Variants in SLITRK5 observed in about 807,000 individuals in gnomAD.
SLITRK5 encodes SLIT and NTRK-like protein 5.
A neutral mutation model predicts 56.2 loss-of-function variants in SLITRK5; 23 were observed. The ratio of observed to expected loss-of-function variants is 0.41; its 90% confidence interval spans 0.29 to 0.58. The LOEUF (loss-of-function observed/expected upper bound fraction) is 0.58. SLITRK5 is among the 20% of genes least tolerant of loss of function. The probability of loss-of-function intolerance (pLI) is 0.30; values close to 1 mark genes in which losing one functional copy is unlikely to be tolerated. For synonymous variants in SLITRK5, 637 were observed against 531.8 expected (o/e 1.20, Z -2.72); for missense variants, 1,289 against 1,226.6 (o/e 1.05, Z -0.76).
At chr13:87,673,393 C>A in intron 1 of SLITRK5, 1 of 420,496 alleles carries the variant, frequency 2.4e-6, no homozygotes, top group Non-Finnish European at 4.6e-6. Context: ...CCCTTGCTAA[C>A]TAGAACTGAA....
At position 87,678,499 on chromosome 13, in the gene SLITRK5, G is replaced by A; in HGVS notation, c.*234G>A. On this transcript the variant is annotated 3_prime_UTR_variant, in exon 2 of 2. Transcript: ENST00000683689. Reference sequence around the variant, plus strand: ...ATCACTTTCTCTTCTTGCGTGTGGGGCAGGTGTGGAGAAGGGCTTTAAGGA... The same window carrying A: ...ATCACTTTCTCTTCTTGCGTGTGGGACAGGTGTGGAGAAGGGCTTTAAGGA... 1 of 560,912 alleles carries A rather than the reference G, an allele frequency of 1.8e-6. No individual in the cohort carries two copies. The highest frequency in any genetic ancestry group is 3.2e-6 in the Non-Finnish European group (1 of 309,942). 34.7% of individuals were successfully genotyped at this position (560,912 alleles called of 1,614,324 possible).
chr13:87,674,674 T>G (rs140512329), intron 1 of SLITRK5, among the ~76,000 whole-genome samples: 1 of 152,186 alleles, frequency 6.6e-6, no homozygotes, highest in Non-Finnish European at 1.5e-5. Context: ...GCTGATGTGC[T>G]TTAATAGCGT....
Position 87,675,473 on chromosome 13 carries a change from G to A in SLITRK5, c.85G>A (p.Ala29Thr), listed in dbSNP as rs1877230025. ...CTGGATGCTGCAGACTCTAGCGTTT[G>A]CTGTAACATCTCTCGTCCTTTCGTG... ...HSWMLQTLAF[A>T]VTSLVLSCAE... Residue 29 changes from alanine (A) to threonine (T), a missense_variant, in exon 2 of 2, where the codon GCT (alanine) becomes ACT (threonine). Physicochemically the swap from Ala to Thr is moderately conservative, Grantham distance 58. This residue lies in a region of SLITRK5 where 291 missense variants were observed against 286.7 expected (regional missense o/e 1.02). Coordinates refer to ENST00000683689, the MANE Select transcript of SLITRK5 (RefSeq NM_001384609.1). The A allele has an allele frequency of 6.2e-7, 1 of 1,614,138 alleles. No individual in the cohort carries two copies. The highest frequency in any genetic ancestry group is 8.5e-7 in the Non-Finnish European group (1 of 1,180,022).
rs565218787 is a variant in SLITRK5, at chr13:87,673,418, G to T, written c.-9+1209G>T. 643 of 470,024 alleles carry T rather than the reference G, an allele frequency of 1.4e-3. 5 individuals carry two copies. Among genetic ancestry groups the T allele is most frequent in the African/African-American group, 0.012 (587 of 49,766 alleles). 29.1% of individuals were successfully genotyped at this position (470,024 alleles called of 1,614,324 possible). On this transcript the variant is annotated intron_variant, in intron 1 of 1. Coordinates refer to ENST00000683689, the MANE Select transcript of SLITRK5 (RefSeq NM_001384609.1). ...CTAGAACTGAATTAAAGTTGTAAAC[G>T]CTGGAGTTTAATACTGGCTGGACTG...
intron 1 of SLITRK5, chr13:87,672,890 TG>T (rs2137937675): frequency 6.2e-6 from 1 of 161,596 alleles, no homozygotes; most frequent in African/African-American, 2.4e-5. Context: ...TGTGTGTGTG[TG>T]TGTGTGTGTG....
At chr13:87,674,118 G>C (rs1430414498) in intron 1 of SLITRK5, among the ~76,000 whole-genome samples, 11 of 151,870 alleles carry the variant, frequency 7.2e-5, no homozygotes, top group African/African-American at 2.7e-4. Flanking sequence ...GCCTTCAAGG[G>C]GACAAAAAGA....
In SLITRK5 at chr13:87,678,705, C is replaced by G. The variant is rs2137949301; in HGVS notation, c.*440C>G. ...CCTTTTAAGCCATGGGTGGGTCTAA[C>G]TGGCTTTTGTGGAGAAATTAGCACA... On this transcript the variant is annotated 3_prime_UTR_variant, in exon 2 of 2. Transcript: ENST00000683689. The G allele has an allele frequency of 6.1e-6, 1 of 162,818 alleles. No individual in the cohort carries two copies. The highest frequency in any genetic ancestry group is 2.6e-5 in the African/African-American group (1 of 38,880). The allele number at this position is 162,818 out of a possible 1,614,324, so 10.1% of individuals were successfully genotyped here.
At chr13:87,673,793 G>C (rs1877150474) in intron 1 of SLITRK5, among the ~76,000 whole-genome samples, 1 of 152,046 alleles carries the variant, frequency 6.6e-6, no homozygotes, top group African/African-American at 2.4e-5. Context: ...GGCTGGAGTC[G>C]ACTTGGGGAT....
rs776018907 is a variant in SLITRK5, at chr13:87,675,797, A to C, written c.409A>C (p.Asn137His). 6.2e-7 allele frequency: 1 copy of C among 1,614,096 alleles called. No individual in the cohort carries two copies. The highest frequency in any genetic ancestry group is 1.1e-5 in the South Asian group (1 of 91,062). ...GLRGLRRLHL[N>H]NNKLELLRDD... ...ACGGGGTTTGAGGAGATTGCATCTA[A>C]ACAATAATAAACTGGAACTTCTGCG... Residue 137 changes from asparagine (N) to histidine (H), a missense_variant, in exon 2 of 2, where the codon AAC (asparagine) becomes CAC (histidine). This residue lies in a region of SLITRK5 where 291 missense variants were observed against 286.7 expected (regional missense o/e 1.02). Coordinates refer to ENST00000683689, the MANE Select transcript of SLITRK5 (RefSeq NM_001384609.1).
rs1470026977 is a variant in SLITRK5, at chr13:87,677,536, G to A, written c.2148G>A (p.Val716=). The A allele has an allele frequency of 1.9e-6, 3 of 1,608,658 alleles. No homozygotes were observed. The highest frequency in any genetic ancestry group is 2.7e-5 in the African/African-American group (2 of 74,920). Residue 716 remains valine (V), a synonymous_variant, in exon 2 of 2, where the codon GTG becomes GTA. Coordinates refer to ENST00000683689, the MANE Select transcript of SLITRK5 (RefSeq NM_001384609.1). The surrounding 1 kb of genome is among the most constrained non-coding windows in gnomAD (Gnocchi z 4.7). ...GCTCCTTTAACATGCAGTACAGCGT[G>A]TACGGCGGCGGCGGCGGCACGGGCG... The part of the protein sequence containing the change: ...DVSSFNMQYS[V]YGGGGGTGGH...
In SLITRK5 at chr13:87,678,372, G is replaced by A; in HGVS notation, c.*107G>A. 1 of 1,116,324 alleles carries A rather than the reference G, an allele frequency of 9.0e-7. No homozygotes were observed. The allele number at this position is 1,116,324 out of a possible 1,614,324, so 69.2% of individuals were successfully genotyped here. A position where few individuals can be genotyped will look rare whatever the true frequency, so the allele number is the denominator to read the frequency against. On this transcript the variant is annotated 3_prime_UTR_variant, in exon 2 of 2. Coordinates refer to ENST00000683689, the MANE Select transcript of SLITRK5 (RefSeq NM_001384609.1). ...GTGTTGTTTCAACGTTTAGGGTGAA[G>A]TGCCTTGGCACGGGATTTCTCAGCT... is the stretch of plus-strand genomic sequence containing the variant.
chr13:87,677,188 G>A lies in SLITRK5; in HGVS notation c.1800G>A (p.Glu600=). The part of the protein sequence containing the change: ...VICKAPKKFA[E]TDMRSIKSEL... ...GTAAGGCGCCCAAAAAATTCGCTGA[G>A]ACCGACATGCGCTCCATTAAGTCGG... Residue 600 remains glutamate (E), a synonymous_variant, in exon 2 of 2, where the codon GAG becomes GAA. Transcript: ENST00000683689. This position sits in a 1 kb window ranked among gnomAD's most constrained non-coding sequence, Gnocchi z 4.7. 1 of 1,614,164 alleles carries A rather than the reference G, an allele frequency of 6.2e-7. No individual in the cohort carries two copies. Among genetic ancestry groups the A allele is most frequent in the East Asian group, 2.2e-5 (1 of 44,850 alleles).
In SLITRK5 at chr13:87,677,856, G is replaced by C. The variant is rs368387091; in HGVS notation, c.2468G>C (p.Arg823Pro). The stretch of plus-strand genomic sequence containing the variant: ...CTGCAGCCCGGGGAGGAGGAGAGGC[G>C]GGAAAGCCACCACTTGCGGAGCCCC... Reference protein sequence around the residue: ...LQLQPGEEERRESHHLRSPAY... With the variant: ...LQLQPGEEERPESHHLRSPAY... The change falls in exon 2 of 2, where the codon CGG becomes CCG. Residue 823 changes from arginine (R) to proline (P), a missense_variant. Transcript: ENST00000683689. The surrounding 1 kb of genome is among the most constrained non-coding windows in gnomAD (Gnocchi z 4.7). 5.7e-5 allele frequency: 92 copies of C among 1,609,146 alleles called. No individual in the cohort carries two copies. Among genetic ancestry groups the C allele is most frequent in the Non-Finnish European group, 7.6e-5 (89 of 1,178,036 alleles).
chr13:87,677,374 C>T lies in SLITRK5; in HGVS notation c.1986C>T (p.Pro662=), dbSNP rs749079931. 39 of 1,613,870 alleles carry T rather than the reference C, an allele frequency of 2.4e-5. No homozygotes were observed. The East Asian group carries it at 5.8e-4, about 24-fold the overall frequency. The change falls in exon 2 of 2, where the codon CCC becomes CCT. Residue 662 remains proline, a synonymous_variant. Coordinates refer to ENST00000683689, the MANE Select transcript of SLITRK5 (RefSeq NM_001384609.1). This position sits in a 1 kb window ranked among gnomAD's most constrained non-coding sequence, Gnocchi z 4.7. The stretch of plus-strand genomic sequence containing the variant: ...CAGGCGGAGGGGCGTCGTCGGTGCC[C>T]TTGTCTGTGTTAATTCTCAGCCTCC... ...LGAGGGASSV[P]LSVLILSLLL... is the part of the protein sequence containing the mutation.
rs780797680 is a variant in SLITRK5, at chr13:87,676,725, C to G, written c.1337C>G (p.Ser446Trp). 3 of 1,614,062 alleles carry G rather than the reference C, an allele frequency of 1.9e-6. No individual in the cohort carries two copies. The highest frequency in any genetic ancestry group is 2.5e-6 in the Non-Finnish European group (3 of 1,180,026). The change falls in exon 2 of 2, where the codon TCG (serine) becomes TGG (tryptophan). Residue 446 changes from serine to tryptophan, a missense_variant. Transcript: ENST00000683689. ...CTGCACCTGGGGAATAACCGCATCTCGATGATCCAGGACCGCGCTTTCGGG... is the reference window on the plus strand; with the variant it reads ...CTGCACCTGGGGAATAACCGCATCTGGATGATCCAGGACCGCGCTTTCGGG... ...DLLHLGNNRI[S>W]MIQDRAFGDL...
At position 87,675,930 on chromosome 13, in the gene SLITRK5, T is replaced by C; in HGVS notation, c.542T>C (p.Val181Ala). The change falls in exon 2 of 2, where the codon GTG becomes GCG. Residue 181 changes from valine (V) to alanine (A), a missense_variant. Around this residue, in one of 3 missense-constraint regions of SLITRK5, gnomAD observed 291 missense variants for 286.7 expected, o/e 1.02. Coordinates refer to ENST00000683689, the MANE Select transcript of SLITRK5 (RefSeq NM_001384609.1). ...TTTGGGAAACTGCATTTGTTGCAGG[T>C]GCTTATCCTCAATGACAATCTTTTG... ...NAFGKLHLLQ[V>A]LILNDNLLSS... 2 of 1,614,178 alleles carry C rather than the reference T, an allele frequency of 1.2e-6. No homozygotes were observed. The highest frequency in any genetic ancestry group is 1.7e-6 in the Non-Finnish European group (2 of 1,180,036).
Position 87,677,006 on chromosome 13 carries a change from T to C in SLITRK5, c.1618T>C (p.Phe540Leu). 4 of 1,614,110 alleles carry C rather than the reference T, an allele frequency of 2.5e-6. No homozygotes were observed. Among genetic ancestry groups the C allele is most frequent in the Non-Finnish European group, 3.4e-6 (4 of 1,180,020 alleles). Residue 540 changes from phenylalanine to leucine, a missense_variant, in exon 2 of 2, where the codon TTC becomes CTC. This residue lies in a region of SLITRK5 where 985 missense variants were observed against 906.0 expected (regional missense o/e 1.09). Coordinates refer to ENST00000683689, the MANE Select transcript of SLITRK5 (RefSeq NM_001384609.1). This position sits in a 1 kb window ranked among gnomAD's most constrained non-coding sequence, Gnocchi z 4.7. ...LLRLNLRSNH[F>L]TSLPVSGVLD... ...CAGGCTAAACCTGAGGAGTAACCAC[T>C]TCACCTCCTTGCCAGTGAGTGGAGT...
In SLITRK5 at chr13:87,671,625, G is replaced by GC. The variant is rs372839788; in HGVS notation, c.-585dup. ...GCATAGAACGACGCGGTTGCTGCCC[G>GC]CCCCCCCCTTCCCCCAGAAACCCCA... On this transcript the variant is annotated 5_prime_UTR_variant, in exon 1 of 2. Transcript: ENST00000683689. 1.0e-3 allele frequency among the ~76,000 whole-genome samples: 156 copies of GC among 149,526 alleles called. 1 individual carries two copies. The highest frequency in any genetic ancestry group is 2.8e-3 in the African/African-American group (116 of 40,820).
At position 87,675,619 on chromosome 13, in the gene SLITRK5, C is replaced by T. The variant is rs757162741; in HGVS notation, c.231C>T (p.Ser77=). ...GGATCATCAGTCTCTCTGAAATTAG[C>T]CCTCCCCGTTTCCCAATCTACCACC... The part of the protein sequence containing the change: ...NRGIISLSEI[S]PPRFPIYHLL... Residue 77 remains serine, a synonymous_variant, in exon 2 of 2, where the codon AGC becomes AGT. Transcript: ENST00000683689. 5 of 1,614,136 alleles carry T rather than the reference C, an allele frequency of 3.1e-6. No individual in the cohort carries two copies. The Admixed American group carries it at 6.7e-5, about 22-fold the overall frequency.
Sources: gnomAD v4.1 joint callset for allele counts (sites outside exome capture counted in the v4.1 genomes callset) on GRCh38, gnomAD v4.1.1 for gene constraint, gnomAD v4.1.1 regional missense constraint, Gnocchi (gnomAD v3.1) non-coding constraint, MANE v1.5 for transcripts, NCBI Gene and HGNC (gene_info 2026-07-23, HGNC 2026-07-21) for gene names.